KLRG1: variants seen among roughly 807,000 people sequenced by gnomAD.
The protein encoded by KLRG1 is killer cell lectin like receptor G1.
In KLRG1, 16 loss-of-function variants were observed where a neutral mutation model predicts 21.8. The ratio of observed to expected loss-of-function variants is 0.73; its 90% CI spans 0.50 to 1.11. The LOEUF (loss-of-function observed/expected upper bound fraction) is 1.11. Among genes scored for constraint, KLRG1 ranks in the 50% most tolerant of loss-of-function variants. KLRG1 has a pLI of 0.00. For missense variants in KLRG1, 173 were observed against 218.3 expected, an observed-to-expected ratio of 0.79 and a Z score of 1.31; for synonymous variants, 69 against 75.9, an observed-to-expected ratio of 0.91 and a Z score of 0.47.
chr12:9,099,438 G>C, the KLRG1 span: 4 of 1,597,934 alleles, frequency 2.5e-6, no homozygotes, highest in Non-Finnish European at 3.4e-6. Flanking sequence ...TCACGTCCCC[G>C]GTAGGTAAAA....
chr12:9,077,249 A>G, the KLRG1 span: 2 of 1,164,094 alleles, frequency 1.7e-6, no homozygotes, highest in Non-Finnish European at 2.5e-6. Flanking sequence ...AAGAAAGCTG[A>G]TGCTTTGCTT....
the KLRG1 span, chr12:9,093,682 CT>C: frequency 2.1e-4 from 134 of 652,292 alleles, no homozygotes; most frequent in Middle Eastern, 2.6e-4. Flanking sequence ...AACAAATCGT[CT>C]GATGAAATAG....
chr12:9,200,339 T>G, the KLRG1 span: 3 of 1,520,146 alleles, frequency 2.0e-6, no homozygotes, highest in Admixed American at 5.5e-5. Context: ...AATATAAAAT[T>G]TTAGATAAAA....
chr12:9,200,443 G>A, the KLRG1 span: 1 of 1,605,352 alleles, frequency 6.2e-7, no homozygotes, highest in Non-Finnish European at 8.5e-7. Flanking sequence ...TCAAACTTGG[G>A]AAGCACTGTT....
chr12:9,137,840 T>C, the KLRG1 span, among the ~76,000 whole-genome samples: 4 of 152,226 alleles, frequency 2.6e-5, no homozygotes, highest in Admixed American at 6.5e-5. Flanking sequence ...TGTATAGAAA[T>C]GCAACTGATT....
At chr12:8,978,117 T>G (rs1315273592) in intron 1 of KLRG1, among the ~76,000 whole-genome samples, 1 of 152,222 alleles carries the variant, frequency 6.6e-6, no homozygotes, top group Non-Finnish European at 1.5e-5. Context: ...TAAAACTATA[T>G]GTACCACTAT....
the KLRG1 span, chr12:9,112,059 T>A: frequency 4.6e-6 from 5 of 1,081,864 alleles, no homozygotes; most frequent in Admixed American, 8.5e-5. Context: ...CTGTTAATGA[T>A]ACCAGATTCT....
the KLRG1 span, among the ~76,000 whole-genome samples, chr12:9,143,322 G>A: frequency 6.6e-6 from 1 of 152,138 alleles, no homozygotes; most frequent in East Asian, 1.9e-4. Flanking sequence ...AGGCAGAGGT[G>A]GTTTGACTGG....
At chr12:9,057,813 T>C in the KLRG1 span, 1 of 152,296 alleles carries the variant, frequency 6.6e-6, no homozygotes, top group African/African-American at 2.4e-5. Flanking sequence ...GATAATTTTT[T>C]AGTGGGCTAA....
chr12:9,017,503 A>T, the KLRG1 span, among the ~76,000 whole-genome samples: 1 of 152,194 alleles, frequency 6.6e-6, no homozygotes, highest in Non-Finnish European at 1.5e-5. Context: ...AACAGAATGA[A>T]GAACAAAAAC....
At chr12:9,093,485 G>C in the KLRG1 span, 1 of 1,613,814 alleles carries the variant, frequency 6.2e-7, no homozygotes, top group Non-Finnish European at 8.5e-7. Flanking sequence ...CCAAATCCCA[G>C]ATCCATGTCT....
chr12:9,201,242 TA>T, the KLRG1 span: 2 of 1,335,668 alleles, frequency 1.5e-6, no homozygotes, highest in Non-Finnish European at 2.1e-6. Flanking sequence ...ATTTTTAAAG[TA>T]GTTCATCTGT....
chr12:8,970,109 T>C (rs1386537049), intron 1 of KLRG1, among the ~76,000 whole-genome samples: 2 of 152,176 alleles, frequency 1.3e-5, no homozygotes, highest in Non-Finnish European at 2.9e-5. Context: ...GAGGGAGACC[T>C]TGTCTCAAAA....
chr12:9,077,751 C>T, the KLRG1 span: 9 of 1,614,168 alleles, frequency 5.6e-6, no homozygotes, highest in South Asian at 1.1e-5. Context: ...CAGCCATTGT[C>T]CTTCTGCCTC....
At chr12:9,209,780 A>G in the KLRG1 span, among the ~76,000 whole-genome samples, 1 of 152,168 alleles carries the variant, frequency 6.6e-6, no homozygotes, top group African/African-American at 2.4e-5. Flanking sequence ...TAAATAATAT[A>G]TAGCATAATT....
At chr12:9,135,251 C>T in the KLRG1 span, 10 of 258,194 alleles carry the variant, frequency 3.9e-5, no homozygotes, top group South Asian at 1.1e-4. Context: ...AAAAGCCATA[C>T]AAAAGATCAA....
chr12:9,083,692 G>C, the KLRG1 span, among the ~76,000 whole-genome samples: 1 of 146,158 alleles, frequency 6.8e-6, no homozygotes, highest in African/African-American at 2.5e-5. Context: ...AAGTCCAGAA[G>C]AAGAAGAAAG....
At chr12:9,177,119 G>A in the KLRG1 span, among the ~76,000 whole-genome samples, 4 of 152,132 alleles carry the variant, frequency 2.6e-5, no homozygotes, top group African/African-American at 9.7e-5. Flanking sequence ...ATTGTTCGTC[G>A]CACAATGAAT....
chr12:9,212,751 A>G, the KLRG1 span, among the ~76,000 whole-genome samples: 2 of 151,544 alleles, frequency 1.3e-5, no homozygotes, highest in Non-Finnish European at 3.0e-5. Flanking sequence ...AAAAAAAACC[A>G]GTAAATTTTT....
Sources: gnomAD v4.1 joint callset for allele counts (sites outside exome capture counted in the v4.1 genomes callset) on GRCh38, gnomAD v4.1.1 for gene constraint, MANE v1.5 for transcripts, NCBI Gene and HGNC (gene_info 2026-07-23, HGNC 2026-07-21) for gene names.